Variants in ELFN2 observed in about 807,000 individuals in gnomAD.
ELFN2 encodes extracellular leucine rich repeat and fibronectin type III domain containing 2, also known as protein phosphatase 1 regulatory subunit 29.
Under a neutral mutation model 45.5 loss-of-function variants are expected in ELFN2, and 17 were observed. That is an observed-to-expected ratio of 0.37 (90% CI 0.26 to 0.56). The LOEUF (loss-of-function observed/expected upper bound fraction) is 0.56. Among genes scored for constraint, ELFN2 ranks in the 20% least tolerant of loss-of-function variants. The pLI, the probability that ELFN2 is intolerant of heterozygous loss-of-function variation, is 0.77. For missense variants in ELFN2, 922 were observed against 1,183.2 expected (o/e 0.78, Z 3.24); for synonymous variants, 550 against 551.5 (o/e 1.00, Z 0.04).
chr22:37,385,544 A>G (rs1931924891), intron 2 of ELFN2, among the ~76,000 whole-genome samples: 1 of 152,228 alleles, frequency 6.6e-6, no homozygotes, highest in Non-Finnish European at 1.5e-5. Context: ...CAGCAGTGGC[A>G]CAGGCCGGGG....
At chr22:37,344,933 G>T (rs764029149) in intron 1 of ELFN2, among the ~76,000 whole-genome samples, 15 of 152,116 alleles carry the variant, frequency 9.9e-5, no homozygotes, top group Non-Finnish European at 1.6e-4. Flanking sequence ...CCCCTGCTCT[G>T]CCAGGGGGCC....
intron 2 of ELFN2, among the ~76,000 whole-genome samples, chr22:37,415,161 G>T (rs1328391630): frequency 6.7e-6 from 1 of 150,154 alleles, no homozygotes; most frequent in Non-Finnish European, 1.5e-5. Flanking sequence ...CCTCTCAAAT[G>T]GCCCTCTTTG....
Position 37,373,853 on chromosome 22 carries a change from G to T in ELFN2, c.1682C>A (p.Ser561Tyr), listed in dbSNP as rs1239902847. 6.2e-7 allele frequency: 1 copy of T among 1,613,288 alleles called. No homozygotes were observed. The highest frequency in any genetic ancestry group is 8.5e-7 in the Non-Finnish European group (1 of 1,179,952). ...CIDALKLDSA[S>Y]FLGGGSSSGD... ...ACTGCTGCTGCCGCCTCCCAGAAAA[G>T]AGGCCGAGTCCAGCTTGAGAGCATC... is the stretch of plus-strand genomic sequence containing the variant. Residue 561 changes from serine to tyrosine, a missense_variant, in exon 3 of 3, where the codon TCT (serine) becomes TAT (tyrosine). Physicochemically the swap from Ser to Tyr is moderately radical, Grantham distance 144. Around this residue, in one of 2 missense-constraint regions of ELFN2, gnomAD observed 564 missense variants for 642.8 expected, o/e 0.88. Coordinates refer to ENST00000402918, the MANE Select transcript of ELFN2 (RefSeq NM_052906.5).
In ELFN2 at chr22:37,374,300, A is replaced by C; in HGVS notation, c.1235T>G (p.Leu412Arg). The C allele has an allele frequency of 6.2e-7, 1 of 1,613,924 alleles. No homozygotes were observed. Among genetic ancestry groups the C allele is most frequent in the Non-Finnish European group, 8.5e-7 (1 of 1,179,940 alleles). ...LGCLFGMVIV[L>R]GAVYYCLRKR... ...GCGCAGGCAGTAGTACACGGCTCCC[A>C]GCACGATAACCATGCCAAAGAGGCA... is the stretch of plus-strand genomic sequence containing the variant. Residue 412 changes from leucine to arginine, a missense_variant, in exon 3 of 3, where the codon CTG (leucine) becomes CGG (arginine). Coordinates refer to ENST00000402918, the MANE Select transcript of ELFN2 (RefSeq NM_052906.5).
intron 1 of ELFN2, among the ~76,000 whole-genome samples, chr22:37,356,851 T>C (rs1930962784): frequency 1.3e-5 from 2 of 152,234 alleles, no homozygotes. Flanking sequence ...TATCATCGTC[T>C]TTTTAGGTTT....
At chr22:37,404,506 G>A (rs1360063737) in intron 2 of ELFN2, among the ~76,000 whole-genome samples, 3 of 152,136 alleles carry the variant, frequency 2.0e-5, no homozygotes, top group Non-Finnish European at 4.4e-5. Flanking sequence ...GCAAATAGCA[G>A]TGCAGGAGGA....
chr22:37,353,743 C>G (rs184562169), intron 1 of ELFN2: 2 of 151,114 alleles, frequency 1.3e-5, no homozygotes, highest in Non-Finnish European at 3.0e-5. Context: ...GGGACTAAAG[C>G]GCAAAAGCTA....
chr22:37,350,763 G>A (rs1307854957), intron 1 of ELFN2, among the ~76,000 whole-genome samples: 4 of 150,328 alleles, frequency 2.7e-5, no homozygotes, highest in African/African-American at 2.4e-5. Flanking sequence ...GGCAGCCACC[G>A]AGAGGGGCCG....
intron 2 of ELFN2, among the ~76,000 whole-genome samples, chr22:37,402,768 G>T (rs1014436677): frequency 4.6e-5 from 7 of 152,160 alleles, no homozygotes; most frequent in Admixed American, 4.6e-4. Flanking sequence ...GCCTCCAGGG[G>T]CTCGGTGGGT....
At chr22:37,413,826 G>GC (rs1413321066) in intron 2 of ELFN2, among the ~76,000 whole-genome samples, 4 of 152,132 alleles carry the variant, frequency 2.6e-5, no homozygotes, top group South Asian at 4.1e-4. Flanking sequence ...TATGGCACAA[G>GC]CCCCCCCTAA....
intron 2 of ELFN2, among the ~76,000 whole-genome samples, chr22:37,378,045 T>A (rs8137422): frequency 6.6e-6 from 1 of 152,044 alleles, no homozygotes; most frequent in Admixed American, 6.5e-5. Flanking sequence ...GCAGTCCCTC[T>A]TCCTCATCGG....
chr22:37,355,303 C>T (rs760333913), intron 1 of ELFN2, among the ~76,000 whole-genome samples: 6 of 152,222 alleles, frequency 3.9e-5, no homozygotes, highest in Non-Finnish European at 7.3e-5. Flanking sequence ...TGCTCTTCCC[C>T]ACCTCGAGTC....
At chr22:37,423,580 G>A (rs1247277701) in intron 1 of ELFN2, among the ~76,000 whole-genome samples, 1 of 152,198 alleles carries the variant, frequency 6.6e-6, no homozygotes, top group Non-Finnish European at 1.5e-5. Flanking sequence ...AGTGCCTGCT[G>A]CAGCTGGCTT....
chr22:37,427,137 G>A (rs1414241930), intron 1 of ELFN2, 161 bp downstream of exon 1: 1 of 152,098 alleles, frequency 6.6e-6, no homozygotes, highest in African/African-American at 2.4e-5. Context: ...CCAGACCCAG[G>A]AGACACTGGG....
intron 2 of ELFN2, among the ~76,000 whole-genome samples, chr22:37,385,981 C>CT (rs1255085010): frequency 3.3e-5 from 5 of 152,204 alleles, no homozygotes; most frequent in Non-Finnish European, 7.4e-5. Context: ...TCCTGACCCT[C>CT]TGACAGCTTC....
rs147734340 is a variant in ELFN2 at position 37,380,144 on chromosome 22, C to T, written c.-462-4148G>A. Among the ~76,000 whole-genome samples, 343 of 152,360 alleles carry T rather than the reference C, an allele frequency of 2.3e-3. 2 individuals are homozygous for T. The highest frequency in any genetic ancestry group is 7.8e-3 in the African/African-American group (323 of 41,582). ...CCCTGTCAGGGGAGCGTCTGGACCC[C>T]GGACCCGGGGAGAGCCCCCACTGCA... On this transcript the variant is annotated intron_variant, in intron 2 of 2. Transcript: ENST00000402918.
intron 1 of ELFN2, among the ~76,000 whole-genome samples, chr22:37,356,095 G>A (rs1224698080): frequency 3.9e-5 from 6 of 152,322 alleles, no homozygotes; most frequent in East Asian, 1.9e-4. Context: ...TGAGACGGGG[G>A]TTGGGAGAAG....
At position 37,375,457 on chromosome 22, in the gene ELFN2, G is replaced by A. The variant is rs1315458119; in HGVS notation, c.78C>T (p.Leu26=). Residue 26 remains leucine (L), a synonymous_variant, in exon 3 of 3, where the codon CTC becomes CTT. Transcript: ENST00000402918. ...ACACGTAGCCCTTGTCGCCCTCAAT[G>A]AGCCAGCAGTCGGCACGCACGGCAC... The part of the protein sequence containing the change: ...RPGAVRADCW[L]IEGDKGYVWL... The A allele has an allele frequency of 6.2e-7, 1 of 1,611,730 alleles. No individual in the cohort carries two copies. The highest frequency in any genetic ancestry group is 8.5e-7 in the Non-Finnish European group (1 of 1,179,012).
chr22:37,419,844 C>G lies in ELFN2; in HGVS notation c.-613-1925G>C, dbSNP rs553436389. ...TCCACACCCACCCGGCACACACACCCCCTCGCCAGCAACTCGCCGGGTCCT... is the reference window on the plus strand; with the variant it reads ...TCCACACCCACCCGGCACACACACCGCCTCGCCAGCAACTCGCCGGGTCCT... On this transcript the variant is annotated intron_variant, in intron 1 of 2. Transcript: ENST00000402918. Among the ~76,000 whole-genome samples the G allele has an allele frequency of 2.7e-3, 414 of 152,296 alleles. 2 individuals are homozygous for G. The highest frequency in any genetic ancestry group is 4.4e-3 in the Non-Finnish European group (300 of 68,026).
Sources: allele counts gnomAD v4.1 joint callset (sites outside exome capture counted in the v4.1 genomes callset), GRCh38; gene constraint gnomAD v4.1.1; regional missense constraint gnomAD v4.1.1; transcripts MANE v1.5; gene names NCBI Gene and HGNC (gene_info 2026-07-23, HGNC 2026-07-21).